Variants in CALU observed in about 807,000 individuals in gnomAD.
CALU encodes IEF SSP 9302.
A neutral mutation model predicts 37.5 loss-of-function variants in CALU; 13 were observed. The observed-to-expected ratio is 0.35, with a 90% CI of 0.23 to 0.55. CALU has a LOEUF of 0.55. Among genes scored for constraint, CALU ranks in the 20% least tolerant of loss-of-function variants. CALU has a pLI of 0.89. For missense variants in CALU, 282 were observed against 391.7 expected (o/e 0.72, Z 2.36); for synonymous variants, 114 against 133.8 (o/e 0.85, Z 1.02).
intron 5 of CALU, among the ~76,000 whole-genome samples, chr7:128,760,521 A>C (rs889116600): frequency 6.6e-6 from 1 of 152,172 alleles, no homozygotes; most frequent in Non-Finnish European, 1.5e-5. Context: ...AGCACATCCC[A>C]GCCACATTTC....
Position 128,759,817 on chromosome 7 carries a change from A to G in CALU, c.608A>G (p.Asn203Ser). 7.1e-7 allele frequency: 1 copy of G among 1,401,240 alleles called. No individual in the cohort carries two copies. Among genetic ancestry groups the G allele is most frequent in the Non-Finnish European group, 1.0e-6 (1 of 986,224 alleles). 86.8% of individuals were successfully genotyped at this position (1,401,240 alleles called of 1,614,324 possible). Residue 203 changes from asparagine to serine, a missense_variant, in exon 5 of 7, where the codon AAT becomes AGT. By Grantham distance (46) the Asn-to-Ser change is conservative. Transcript: ENST00000249364. ...GAAACAATGGAAGATATAGATAAGA[A>G]TGCTGATGGTTTCATTGATCTAGAA... ...VQETMEDIDK[N>S]ADGFIDLEEY...
At chr7:128,762,252 A>G (rs927765791) in intron 5 of CALU, among the ~76,000 whole-genome samples, 3 of 152,082 alleles carry the variant, frequency 2.0e-5, no homozygotes, top group East Asian at 3.9e-4. Flanking sequence ...TAACTACATC[A>G]CTTATCAAGC....
chr7:128,740,553 A>T (rs1800194454), intron 1 of CALU, among the ~76,000 whole-genome samples: 1 of 151,656 alleles, frequency 6.6e-6, no homozygotes, highest in Non-Finnish European at 1.5e-5. Flanking sequence ...TGAAGAATTT[A>T]TATAGTATAA....
rs1258113518 is a variant in CALU, at chr7:128,773,008, T to C, written c.*3841T>C. 5.9e-5 allele frequency among the ~76,000 whole-genome samples: 9 copies of C among 152,216 alleles called. No individual in the cohort carries two copies. In the East Asian group the frequency reaches 1.7e-3, roughly 29 times the overall value. ...TCTTCTATCCAGGGAGGTTTCAAAT[T>C]AGTTTTGAGTCTACCTCTGGGATTG... On this transcript the variant is annotated 3_prime_UTR_variant, in exon 7 of 7. Transcript: ENST00000249364.
intron 5 of CALU, among the ~76,000 whole-genome samples, chr7:128,765,281 C>G (rs1227394592): frequency 1.3e-5 from 2 of 152,196 alleles, no homozygotes; most frequent in South Asian, 4.1e-4. Flanking sequence ...AGTGCAGTGG[C>G]ATGATCATGG....
intron 2 of CALU, among the ~76,000 whole-genome samples, chr7:128,752,389 T>G (rs1800710178): frequency 6.6e-6 from 1 of 152,210 alleles, no homozygotes; most frequent in African/African-American, 2.4e-5. Flanking sequence ...TCATATGTCT[T>G]TTTTTATCTG....
chr7:128,762,825 C>T (rs558284267), intron 5 of CALU, among the ~76,000 whole-genome samples: 1 of 152,190 alleles, frequency 6.6e-6, no homozygotes, highest in South Asian at 2.1e-4. Flanking sequence ...CACCACCACA[C>T]CTGGCTAATT....
rs144189250 is a variant in CALU at position 128,753,204 on chromosome 7, G to C, written c.222-1058G>C. On this transcript the variant is annotated intron_variant, in intron 2 of 6. Coordinates refer to ENST00000249364, the MANE Select transcript of CALU (RefSeq NM_001219.5). Reference sequence around the variant, plus strand: ...GTATTCATGAAATGAACACAAGCTGGGGAAAGACATTATTTGCTACCAAGT... The same window carrying C: ...GTATTCATGAAATGAACACAAGCTGCGGAAAGACATTATTTGCTACCAAGT... Among the ~76,000 whole-genome samples the C allele has an allele frequency of 2.0e-3, 310 of 152,288 alleles. 1 individual carries two copies. Among genetic ancestry groups the C allele is most frequent in the Admixed American group, 5.3e-3 (81 of 15,296 alleles).
At chr7:128,752,387 CTT>C (rs1585006829) in intron 2 of CALU, among the ~76,000 whole-genome samples, 2 of 152,108 alleles carry the variant, frequency 1.3e-5, no homozygotes, top group East Asian at 1.9e-4. Flanking sequence ...AGTCATATGT[CTT>C]TTTTTATCTG....
chr7:128,752,598 T>A (rs1800718523), intron 2 of CALU, among the ~76,000 whole-genome samples: 1 of 152,190 alleles, frequency 6.6e-6, no homozygotes, highest in African/African-American at 2.4e-5. Flanking sequence ...GCTTCATCTG[T>A]GAATAGTGTT....
chr7:128,754,149 T>A, intron 2 of CALU, 113 bp from the exon 3 acceptor site: 2 of 777,568 alleles, frequency 2.6e-6, no homozygotes, highest in East Asian at 5.4e-5. Context: ...CTGGCAGTTT[T>A]GTTTTGGAGA....
intron 5 of CALU, among the ~76,000 whole-genome samples, chr7:128,766,293 A>C (rs981979377): frequency 6.6e-6 from 1 of 151,582 alleles, no homozygotes; most frequent in African/African-American, 2.4e-5. Flanking sequence ...CCTTAGCTAA[A>C]ACTCAATTAG....
At chr7:128,754,939 CATTTTACATAT>C (rs1191815643) in intron 3 of CALU, among the ~76,000 whole-genome samples, 2 of 151,946 alleles carry the variant, frequency 1.3e-5, no homozygotes, top group Non-Finnish European at 2.9e-5. Flanking sequence ...ACATTTTTAG[CATTTTACATAT>C]ATTTTACCAT....
Position 128,769,418 on chromosome 7 carries a change from G to T in CALU, c.*251G>T. ...ACTTTGTATTATGTATTAACATGGC[G>T]TGTTTATTTTTGTATTTTTCTCTGG... On this transcript the variant is annotated 3_prime_UTR_variant, in exon 7 of 7. Transcript: ENST00000249364. 2 of 262,608 alleles carry T rather than the reference G, an allele frequency of 7.6e-6. No individual in the cohort carries two copies. Among genetic ancestry groups the T allele is most frequent in the East Asian group, 7.2e-5 (1 of 13,922 alleles). The allele number at this position is 262,608 out of a possible 1,614,324, so 16.3% of individuals were successfully genotyped here. A position where few individuals can be genotyped will look rare whatever the true frequency, so the allele number is the denominator to read the frequency against.
intron 5 of CALU, among the ~76,000 whole-genome samples, chr7:128,760,763 C>T (rs374474725): frequency 6.6e-6 from 1 of 152,174 alleles, no homozygotes; most frequent in African/African-American, 2.4e-5. Context: ...AAAAAATTAG[C>T]CGGGTGTAGT....
Position 128,772,565 on chromosome 7 carries a change from G to A in CALU, c.*3398G>A, listed in dbSNP as rs558064192. 39 of 1,614,154 alleles carry A rather than the reference G, an allele frequency of 2.4e-5. 1 individual carries two copies. In the South Asian group the frequency reaches 3.5e-4, roughly 15 times the overall value. The stretch of plus-strand genomic sequence containing the variant: ...TCAGTTGGGGCCAACTTGGGTAGAC[G>A]AGACAGTAGAAACTTCTGTTTTCTG... On this transcript the variant is annotated 3_prime_UTR_variant, in exon 7 of 7. Transcript: ENST00000249364.
Position 128,754,254 on chromosome 7 carries a change from T to C in CALU, c.222-8T>C, listed in dbSNP as rs779081471. The C allele has an allele frequency of 8.7e-6, 14 of 1,600,952 alleles. No individual in the cohort carries two copies. Among genetic ancestry groups the C allele is most frequent in the African/African-American group, 1.3e-5 (1 of 74,322 alleles). On this transcript the variant is annotated splice_polypyrimidine_tract_variant and splice_region_variant and intron_variant, in intron 2 of 6. Coordinates refer to ENST00000249364, the MANE Select transcript of CALU (RefSeq NM_001219.5). ...ACCTTTTGCTGGATTTCTCTGCATT[T>C]TCTACAGAAAGATTGTAAGTAAAAT...
chr7:128,754,478 A>G (rs1166685122), intron 3 of CALU, 23 bp downstream of exon 3: 22 of 1,605,340 alleles, frequency 1.4e-5, no homozygotes, highest in Non-Finnish European at 1.9e-5. Context: ...TGTCTGGGGG[A>G]AAAAGCCTTG....
chr7:128,754,113 A>G (rs1006268510), intron 2 of CALU, 149 bp from the exon 3 acceptor site: 1 of 624,436 alleles, frequency 1.6e-6, no homozygotes, highest in Non-Finnish European at 2.8e-6. Flanking sequence ...CAGACCAGTA[A>G]TGGACCATTT....
Sources: allele counts gnomAD v4.1 joint callset (sites outside exome capture counted in the v4.1 genomes callset), GRCh38; gene constraint gnomAD v4.1.1; transcripts MANE v1.5; gene names NCBI Gene and HGNC (gene_info 2026-07-23, HGNC 2026-07-21).